NDRG1: variants seen among roughly 807,000 people sequenced by gnomAD.
NDRG1 encodes protein NDRG1.
Under a neutral mutation model 56.9 loss-of-function variants are expected in NDRG1, and 32 were observed. The observed-to-expected ratio is 0.56, with a 90% CI of 0.42 to 0.76. NDRG1 has a LOEUF of 0.76. Among genes scored for constraint, NDRG1 ranks in the 30% least tolerant of loss-of-function variants. The probability of loss-of-function intolerance (pLI) is 0.00; values close to 1 mark genes in which losing one functional copy is unlikely to be tolerated. For synonymous variants in NDRG1, 211 were observed against 204.1 expected (o/e 1.03, Z -0.29); for missense variants, 507 against 545.7 (o/e 0.93, Z 0.71).
intron 4 of NDRG1, among the ~76,000 whole-genome samples, chr8:133,264,286 A>C (rs1856802457): frequency 6.6e-6 from 1 of 152,244 alleles, no homozygotes; most frequent in Non-Finnish European, 1.5e-5. Flanking sequence ...ATATGCGTGC[A>C]TTAATATAGA....
chr8:133,257,316 C>CACACAGAG (rs756183850), intron 7 of NDRG1, among the ~76,000 whole-genome samples: 59 of 129,734 alleles, frequency 4.5e-4, no homozygotes, highest in African/African-American at 6.0e-4. Context: ...CACACACACA[C>CACACAGAG]AGAGAGAGAG....
intron 10 of NDRG1, chr8:133,249,516 G>T: frequency 6.5e-6 from 1 of 154,652 alleles, no homozygotes; most frequent in Non-Finnish European, 1.4e-5. Context: ...CCTTCACAGT[G>T]GGATTTGGAG....
intron 14 of NDRG1, among the ~76,000 whole-genome samples, chr8:133,243,688 G>A (rs1004625265): frequency 1.3e-5 from 2 of 152,154 alleles, no homozygotes; most frequent in East Asian, 3.8e-4. Context: ...AAAGGAGGAA[G>A]AAAGGAGGCA....
chr8:133,246,726 C>A lies in NDRG1; in HGVS notation c.808-63G>T, dbSNP rs372407631. ...GAAGCCAAAGCCAAAACATCTCCCCCTTCTCCGCCACTCTGCCACCGTCAC... is the reference window on the plus strand; with the variant it reads ...GAAGCCAAAGCCAAAACATCTCCCCATTCTCCGCCACTCTGCCACCGTCAC... On this transcript the variant is annotated intron_variant, in intron 12 of 15. Transcript: ENST00000323851. 1.2e-3 allele frequency: 1,674 copies of A among 1,441,874 alleles called. 3 individuals are homozygous for A. Among genetic ancestry groups the A allele is most frequent in the Non-Finnish European group, 1.5e-3 (1,531 of 1,022,790 alleles). 89.3% of individuals were successfully genotyped at this position (1,441,874 alleles called of 1,614,324 possible).
intron 15 of NDRG1, 99 bp downstream of exon 15, chr8:133,241,924 G>A: frequency 1.4e-6 from 2 of 1,399,884 alleles, no homozygotes; most frequent in Non-Finnish European, 2.0e-6. Flanking sequence ...AGCTGGCCAG[G>A]GGGACACAGA....
chr8:133,263,079 A>G (rs749122744), intron 4 of NDRG1, among the ~76,000 whole-genome samples: 22 of 152,188 alleles, frequency 1.4e-4, no homozygotes, highest in Admixed American at 6.5e-4. Flanking sequence ...ATAAACCAAC[A>G]ATGAGCCTCT....
chr8:133,265,680 C>A (rs1856882746), intron 3 of NDRG1, among the ~76,000 whole-genome samples: 1 of 152,138 alleles, frequency 6.6e-6, no homozygotes. Flanking sequence ...GACCTGCTCA[C>A]CTTTCTTCCT....
At chr8:133,242,392 C>A (rs957940585) in intron 14 of NDRG1, among the ~76,000 whole-genome samples, 3 of 152,214 alleles carry the variant, frequency 2.0e-5, no homozygotes, top group Admixed American at 6.5e-5. Flanking sequence ...TCTAACCCAG[C>A]AAGTGGAACA....
chr8:133,276,754 T>C (rs942149045), intron 3 of NDRG1, among the ~76,000 whole-genome samples: 7 of 152,246 alleles, frequency 4.6e-5, no homozygotes, highest in African/African-American at 1.7e-4. Context: ...TAAACCTCTT[T>C]TTCTTTATAA....
At chr8:133,261,814 C>T (rs993732849) in intron 5 of NDRG1, among the ~76,000 whole-genome samples, 6 of 152,156 alleles carry the variant, frequency 3.9e-5, no homozygotes, top group Middle Eastern at 3.2e-3. Flanking sequence ...ATGGTGGTGA[C>T]GGCTGCACAA....
chr8:133,257,502 T>G (rs1380380216), intron 7 of NDRG1, among the ~76,000 whole-genome samples: 2 of 152,208 alleles, frequency 1.3e-5, no homozygotes, highest in East Asian at 3.9e-4. Context: ...TGTACAAACC[T>G]GTACAGCATA....
At chr8:133,269,241 C>A (rs1180916257) in intron 3 of NDRG1, among the ~76,000 whole-genome samples, 1 of 152,164 alleles carries the variant, frequency 6.6e-6, no homozygotes, top group Non-Finnish European at 1.5e-5. Flanking sequence ...GCTGGCAACA[C>A]AAACACAACT....
intron 15 of NDRG1, chr8:133,241,216 T>C (rs1485851674): frequency 6.6e-6 from 1 of 152,410 alleles, no homozygotes; most frequent in Non-Finnish European, 1.5e-5. Flanking sequence ...GAGCCACTAG[T>C]CATGTCAGGG....
chr8:133,290,876 C>G (rs546908173), intron 1 of NDRG1, among the ~76,000 whole-genome samples: 1 of 152,324 alleles, frequency 6.6e-6, no homozygotes, highest in Admixed American at 6.5e-5. Flanking sequence ...ACTTGCTCCT[C>G]AAGGAGGTTG....
chr8:133,250,591 G>C (rs1247666376), intron 9 of NDRG1, 48 bp from the exon 10 acceptor site: 1 of 1,471,360 alleles, frequency 6.8e-7, no homozygotes, highest in Admixed American at 1.7e-5. Flanking sequence ...CTGTGGCCCT[G>C]AGCTGGTCAC....
chr8:133,256,714 G>C, intron 8 of NDRG1, 63 bp downstream of exon 8: 1 of 1,507,316 alleles, frequency 6.6e-7, no homozygotes, highest in East Asian at 2.3e-5. Flanking sequence ...CCCAGGCAGA[G>C]GCTGTGTGCA....
chr8:133,246,513 T>C lies in NDRG1; in HGVS notation c.855+103A>G. ...ATTAAATCATTAATTCTATAGTTTC[T>C]GATCGTGTGCCTTGCCTTTTTCAAG... On this transcript the variant is annotated intron_variant, in intron 13 of 15. Transcript: ENST00000323851. 4 of 1,167,210 alleles carry C rather than the reference T, an allele frequency of 3.4e-6. No individual in the cohort carries two copies. The South Asian group carries it at 4.9e-5, about 14-fold the overall frequency. The allele number at this position is 1,167,210 out of a possible 1,614,324, so 72.3% of individuals were successfully genotyped here.
rs778902905 is a variant in NDRG1 at position 133,256,831 on chromosome 8, G to A, written c.483C>T (p.Val161=). 6.2e-6 allele frequency: 10 copies of A among 1,614,052 alleles called. No homozygotes were observed. The highest frequency in any genetic ancestry group is 1.6e-4 in the Middle Eastern group (1 of 6,084). Residue 161 remains valine, a synonymous_variant, in exon 8 of 16, where the codon GTC becomes GTT. Transcript: ENST00000323851. ...LNNPEMVEGL[V]LINVNPCAEG... is the part of the protein sequence containing the mutation. ...CCGCACAAGGGTTCACGTTGATAAG[G>A]ACAAGGCCCTCCACCATCTCAGGGT... is the stretch of plus-strand genomic sequence containing the variant.
At chr8:133,292,256 T>A (rs35986354) in intron 1 of NDRG1, among the ~76,000 whole-genome samples, 1 of 152,188 alleles carries the variant, frequency 6.6e-6, no homozygotes, top group African/African-American at 2.4e-5. Flanking sequence ...GGCTTCCTCA[T>A]ACAGAACCCT....
Sources: allele counts gnomAD v4.1 joint callset (sites outside exome capture counted in the v4.1 genomes callset), GRCh38; gene constraint gnomAD v4.1.1; transcripts MANE v1.5; gene names NCBI Gene and HGNC (gene_info 2026-07-23, HGNC 2026-07-21).